MAMDC4: variants seen among roughly 807,000 people sequenced by gnomAD.
MAMDC4 encodes apical endosomal glycoprotein.
A neutral mutation model predicts 153.3 loss-of-function variants in MAMDC4; 168 were observed. That is an observed-to-expected ratio of 1.10 (90% CI 0.97 to 1.25). The LOEUF (loss-of-function observed/expected upper bound fraction) is 1.25. MAMDC4 is among the 50% of genes most tolerant of loss of function. MAMDC4 has a pLI of 0.00. For synonymous variants in MAMDC4, 744 were observed against 651.5 expected, an observed-to-expected ratio of 1.14 and a Z score of -2.16; for missense variants, 1,701 against 1,542.8, an observed-to-expected ratio of 1.10 and a Z score of -1.72.
chr9:136,853,254 C>G (rs1209308924), intron 2 of MAMDC4, 31 bp from the exon 3 acceptor site: 2 of 1,610,250 alleles, frequency 1.2e-6, no homozygotes, highest in African/African-American at 1.3e-5. Flanking sequence ...GCGAGCAGGT[C>G]TGGCACACAC....
chr9:136,853,071 C>A, intron 1 of MAMDC4, 31 bp from the exon 2 acceptor site: 1 of 1,602,008 alleles, frequency 6.2e-7, no homozygotes, highest in Non-Finnish European at 8.5e-7. Flanking sequence ...CACCCTGCCC[C>A]CAGGCCACCT....
rs1564384887 is a variant in MAMDC4, at chr9:136,853,531, C to G, written c.329-14C>G. On this transcript the variant is annotated splice_polypyrimidine_tract_variant and intron_variant, in intron 3 of 26. Transcript: ENST00000317446. ...TGCTCCCTGCCCCGTCTCCTGACCT[C>G]TCACCTGCGCCAGGCTGGTACATGG... is the stretch of plus-strand genomic sequence containing the variant. 1 of 1,612,650 alleles carries G rather than the reference C, an allele frequency of 6.2e-7. No individual in the cohort carries two copies. The highest frequency in any genetic ancestry group is 2.2e-5 in the East Asian group (1 of 44,882).
At chr9:136,852,916 G>C (rs898067743) in intron 1 of MAMDC4, among the ~76,000 whole-genome samples, 186 bp from the exon 2 acceptor site, 13 of 152,324 alleles carry the variant, frequency 8.5e-5, no homozygotes, top group African/African-American at 3.1e-4. Flanking sequence ...AAACAGGAAC[G>C]TGCTGTGCTT....
At position 136,858,831 on chromosome 9, in the gene MAMDC4, C is replaced by T; in HGVS notation, c.2934C>T (p.His978=). ...TPASCLRFWY[H]MGFPEHFYKG... ...CCTCCTGCCTCCGCTTCTGGTACCA[C>T]ATGGGTTTTCCTGAGCACTTCTGTG... The change falls in exon 23 of 27, where the codon CAC becomes CAT. Residue 978 remains histidine, a synonymous_variant. Transcript: ENST00000317446. The T allele has an allele frequency of 6.2e-7, 1 of 1,610,224 alleles. No homozygotes were observed. The highest frequency in any genetic ancestry group is 8.5e-7 in the Non-Finnish European group (1 of 1,178,656).
rs546515898 is a variant in MAMDC4, at chr9:136,852,488, G to A, written c.46+26G>A. 6.2e-6 allele frequency: 10 copies of A among 1,606,764 alleles called. No individual in the cohort carries two copies. In the Admixed American group the frequency reaches 1.3e-4, roughly 21 times the overall value. On this transcript the variant is annotated intron_variant, in intron 1 of 26. Transcript: ENST00000317446. Reference sequence around the variant, plus strand: ...GTAAGTAGTCTGGTCCCACTCCTGAGGCAGGACCAGGGGCCCTGGCTTCTG... The same window carrying A: ...GTAAGTAGTCTGGTCCCACTCCTGAAGCAGGACCAGGGGCCCTGGCTTCTG...
Position 136,856,827 on chromosome 9 carries a change from G to A in MAMDC4, c.1837+1G>A, listed in dbSNP as rs1486732604. On this transcript the variant is annotated splice_donor_variant, in intron 15 of 26. Coordinates refer to ENST00000317446, the MANE Select transcript of MAMDC4 (RefSeq NM_206920.3). LOFTEE classifies it high-confidence loss of function. The stretch of plus-strand genomic sequence containing the variant: ...GACCACGACCACACCACAGGCCAAG[G>A]TAGGATGGGCGCTCAGACCGGGGGT... 1 of 1,612,346 alleles carries A rather than the reference G, an allele frequency of 6.2e-7. No individual in the cohort carries two copies. The highest frequency in any genetic ancestry group is 1.7e-5 in the Admixed American group (1 of 59,910).
At position 136,858,105 on chromosome 9, in the gene MAMDC4, C is replaced by T; in HGVS notation, c.2583+8C>T. 6.5e-7 allele frequency: 1 copy of T among 1,533,180 alleles called. No homozygotes were observed. Among genetic ancestry groups the T allele is most frequent in the Non-Finnish European group, 8.8e-7 (1 of 1,140,964 alleles). 95.0% of individuals were successfully genotyped at this position (1,533,180 alleles called of 1,614,324 possible). On this transcript the variant is annotated splice_region_variant and intron_variant, in intron 20 of 26. Coordinates refer to ENST00000317446, the MANE Select transcript of MAMDC4 (RefSeq NM_206920.3). ...GCCGAGCGAGCCTGGAGGGTGAGTG[C>T]AGGGTGGGGTGCCCCTCCCCCTCCC...
At chr9:136,855,885 G>T in intron 13 of MAMDC4, 37 bp downstream of exon 13, 1 of 1,478,930 alleles carries the variant, frequency 6.8e-7, no homozygotes, top group Non-Finnish European at 9.0e-7. Context: ...CCCCCGCCCG[G>T]GTGTGAGCAG....
Position 136,860,797 on chromosome 9 carries a change from C to A in MAMDC4, c.*194C>A. ...AACACCCTGGCCCATGAGGGCAGCC[C>A]AAGCTCCCAGGGTGAAGTCAGTGTG... On this transcript the variant is annotated 3_prime_UTR_variant, in exon 27 of 27. Transcript: ENST00000317446. 1.7e-6 allele frequency: 1 copy of A among 596,484 alleles called. No individual in the cohort carries two copies. The highest frequency in any genetic ancestry group is 2.9e-6 in the Non-Finnish European group (1 of 340,310). The allele number at this position is 596,484 out of a possible 1,614,324, so 36.9% of individuals were successfully genotyped here.
In MAMDC4 at chr9:136,854,323, C is replaced by A. The variant is rs750560318; in HGVS notation, c.783C>A (p.Asn261Lys). Residue 261 changes from asparagine to lysine, a missense_variant, in exon 7 of 27, where the codon AAC becomes AAA. By Grantham distance (94) the Asn-to-Lys change is moderately conservative (BLOSUM62 0). Coordinates refer to ENST00000317446, the MANE Select transcript of MAMDC4 (RefSeq NM_206920.3). ...EDNCGDLSDE[N>K]PLTCGRHIAT... ...ACTGCGGGGACCTGTCTGATGAGAA[C>A]CCACTCACCTGTGGTGAGGCCGGAG... 1.3e-6 allele frequency: 2 copies of A among 1,578,838 alleles called. No individual in the cohort carries two copies. Among genetic ancestry groups the A allele is most frequent in the Non-Finnish European group, 1.7e-6 (2 of 1,162,970 alleles).
In MAMDC4 at chr9:136,854,663, G is replaced by T. The variant is rs1411949482; in HGVS notation, c.921G>T (p.Arg307=). Residue 307 remains arginine, a synonymous_variant, in exon 8 of 27, where the codon CGG becomes CGT. Coordinates refer to ENST00000317446, the MANE Select transcript of MAMDC4 (RefSeq NM_206920.3). ...RPSWPRRDHS[R]NSAQGSFLVS... is the part of the protein sequence containing the mutation. The stretch of plus-strand genomic sequence containing the variant: ...CCTGGCCACGCCGTGACCACAGCCG[G>T]AACAGTGCACAGGGTGAGGCCCACA... The T allele has an allele frequency of 9.9e-6, 16 of 1,610,688 alleles. No individual in the cohort carries two copies. Among genetic ancestry groups the T allele is most frequent in the Non-Finnish European group, 1.1e-5 (13 of 1,179,232 alleles).
chr9:136,860,425 G>A (rs1849071462), intron 26 of MAMDC4, 137 bp from the exon 27 acceptor site: 6 of 909,300 alleles, frequency 6.6e-6, no homozygotes, highest in South Asian at 1.6e-5. Flanking sequence ...GGAGGCTGAG[G>A]CAGGAGAATC....
chr9:136,855,978 T>C, intron 13 of MAMDC4, 40 bp from the exon 14 acceptor site: 1 of 1,585,544 alleles, frequency 6.3e-7, no homozygotes, highest in Middle Eastern at 1.7e-4. Context: ...AGTGGGGCCC[T>C]GGAAGGGATG....
chr9:136,854,995 A>G lies in MAMDC4; in HGVS notation c.1082A>G (p.Gln361Arg), dbSNP rs1848982228. The change falls in exon 10 of 27, where the codon CAG (glutamine) becomes CGG (arginine). Residue 361 changes from glutamine (Q) to arginine (R), a missense_variant. By Grantham distance (43) the Gln-to-Arg change is conservative (BLOSUM62 1). Coordinates refer to ENST00000317446, the MANE Select transcript of MAMDC4 (RefSeq NM_206920.3). ...SEAGCLQLFLQTLGPGAPRAP... is the reference protein window; with the variant it reads ...SEAGCLQLFLRTLGPGAPRAP... The stretch of plus-strand genomic sequence containing the variant: ...GCTGGCTGCCTCCAGCTGTTCCTGC[A>G]GACTCTGGGGCCCGGCGCCCCCCGG... 6.2e-7 allele frequency: 1 copy of G among 1,603,830 alleles called. No individual in the cohort carries two copies. Among genetic ancestry groups the G allele is most frequent in the Non-Finnish European group, 8.5e-7 (1 of 1,176,990 alleles).
rs760697397 is a variant in MAMDC4, at chr9:136,852,477, C to G, written c.46+15C>G. The stretch of plus-strand genomic sequence containing the variant: ...CCTGTTCCTGGGTAAGTAGTCTGGT[C>G]CCACTCCTGAGGCAGGACCAGGGGC... On this transcript the variant is annotated intron_variant, in intron 1 of 26. Coordinates refer to ENST00000317446, the MANE Select transcript of MAMDC4 (RefSeq NM_206920.3). The G allele has an allele frequency of 1.9e-6, 3 of 1,608,780 alleles. No individual in the cohort carries two copies. The highest frequency in any genetic ancestry group is 2.5e-6 in the Non-Finnish European group (3 of 1,179,860).
At chr9:136,856,258 C>A in intron 14 of MAMDC4, 109 bp downstream of exon 14, 1 of 1,540,998 alleles carries the variant, frequency 6.5e-7, no homozygotes, top group Non-Finnish European at 9.0e-7. Flanking sequence ...GCTGGCCAGG[C>A]TTCCTGGCAC....
Position 136,860,553 on chromosome 9 carries a change from T to G in MAMDC4, c.3373-9T>G, listed in dbSNP as rs374295738. On this transcript the variant is annotated splice_polypyrimidine_tract_variant and intron_variant, in intron 26 of 26. Coordinates refer to ENST00000317446, the MANE Select transcript of MAMDC4 (RefSeq NM_206920.3). ...GAAAGAAAAAAAAAGCTCCTCTTCC[T>G]CCTCCTAGGATGGTGTCACCCTCCC... 1.5e-5 allele frequency: 24 copies of G among 1,611,102 alleles called. No individual in the cohort carries two copies. The highest frequency in any genetic ancestry group is 1.9e-5 in the Non-Finnish European group (23 of 1,179,588).
chr9:136,856,855 C>T (rs1849012900), intron 15 of MAMDC4, 29 bp downstream of exon 15: 1 of 1,612,464 alleles, frequency 6.2e-7, no homozygotes, highest in African/African-American at 1.3e-5. Context: ...CCGGGGGTGG[C>T]TTTCAGACGA....
chr9:136,858,494 C>T lies in MAMDC4; in HGVS notation c.2769C>T (p.Thr923=), dbSNP rs752488086. Residue 923 remains threonine, a synonymous_variant, in exon 22 of 27, where the codon ACC becomes ACT. Transcript: ENST00000317446. Reference sequence around the variant, plus strand: ...GCTGGGACTGGGGCGGGGGAGCCACCCCCTCTCGTTACCCCCAGCCCCCTG... The same window carrying T: ...GCTGGGACTGGGGCGGGGGAGCCACTCCCTCTCGTTACCCCCAGCCCCCTG... ...GYSWDWGGGA[T]PSRYPQPPVD... 3.1e-6 allele frequency: 5 copies of T among 1,607,394 alleles called. No individual in the cohort carries two copies. The South Asian group carries it at 4.4e-5, about 14-fold the overall frequency.
Sources: allele counts gnomAD v4.1 joint callset (sites outside exome capture counted in the v4.1 genomes callset), GRCh38; gene constraint gnomAD v4.1.1; transcripts MANE v1.5; gene names NCBI Gene and HGNC (gene_info 2026-07-23, HGNC 2026-07-21).